The following EPHB1 variants were observed in gnomAD, a reference collection of about 807,000 sequenced individuals.
EPHB1 encodes the protein EPH receptor B1.
A neutral mutation model predicts 94.4 loss-of-function variants in EPHB1; 30 were observed. The observed-to-expected ratio is 0.32, with a 90% confidence interval of 0.24 to 0.43. The LOEUF (loss-of-function observed/expected upper bound fraction) is 0.43. Ranked by LOEUF, EPHB1 falls within the 20% of genes least tolerant of loss-of-function variation. The pLI is 1.00. For missense variants in EPHB1, 1,055 were observed against 1,308.3 expected (o/e 0.81, Z 2.99); for synonymous variants, 522 against 489.1 (o/e 1.07, Z -0.89).
intron 4 of EPHB1, among the ~76,000 whole-genome samples, chr3:135,131,906 T>G (rs1190991566): frequency 6.6e-6 from 1 of 152,196 alleles, no homozygotes; most frequent in African/African-American, 2.4e-5. Flanking sequence ...CTGGCTTCAG[T>G]TCTTACAGAG....
At chr3:134,898,598 C>G (rs2038134492) in intron 1 of EPHB1, among the ~76,000 whole-genome samples, 1 of 152,200 alleles carries the variant, frequency 6.6e-6, no homozygotes, top group Admixed American at 6.5e-5. Flanking sequence ...TCGGCACAAT[C>G]TGTAGTCTGG....
intron 3 of EPHB1, among the ~76,000 whole-genome samples, chr3:135,087,571 C>A (rs1177434328): frequency 6.6e-6 from 1 of 152,126 alleles, no homozygotes; most frequent in African/African-American, 2.4e-5. Flanking sequence ...GCATCTGTCC[C>A]TAACATCCCA....
intron 3 of EPHB1, among the ~76,000 whole-genome samples, chr3:135,032,385 CA>C (rs1280381294): frequency 6.7e-6 from 1 of 149,674 alleles, no homozygotes; most frequent in Non-Finnish European, 1.5e-5. Flanking sequence ...CATTTATTTT[CA>C]TAGCATCCTG....
intron 2 of EPHB1, among the ~76,000 whole-genome samples, chr3:134,937,713 G>C (rs920331711): frequency 6.6e-6 from 1 of 152,164 alleles, no homozygotes; most frequent in Non-Finnish European, 1.5e-5. Flanking sequence ...TCCAGGCCTG[G>C]GCTTAGCAGT....
Position 135,248,454 on chromosome 3 carries a change from G to T in EPHB1, c.2635G>T (p.Asp879Tyr), listed in dbSNP as rs182291054. The T allele has an allele frequency of 6.2e-7, 1 of 1,613,566 alleles. No homozygotes were observed. The highest frequency in any genetic ancestry group is 2.2e-5 in the East Asian group (1 of 44,850). Residue 879 changes from aspartate (D) to tyrosine (Y), a missense_variant, in exon 14 of 16, where the codon GAT becomes TAT. Physicochemically the swap from Asp to Tyr is radical, Grantham distance 160. Coordinates refer to ENST00000398015, the MANE Select transcript of EPHB1 (RefSeq NM_004441.5). ...GTTTGCGGAGATTGTCAACACCCTAGATAAGATGATCCGGAACCCGGCAAG... is the reference window on the plus strand; with the variant it reads ...GTTTGCGGAGATTGTCAACACCCTATATAAGATGATCCGGAACCCGGCAAG... ...PRFAEIVNTL[D>Y]KMIRNPASLK...
intron 3 of EPHB1, among the ~76,000 whole-genome samples, chr3:134,981,593 G>A (rs1934404314): frequency 6.6e-6 from 1 of 152,160 alleles, no homozygotes; most frequent in Non-Finnish European, 1.5e-5. Flanking sequence ...ATTGCATTGA[G>A]TACCACATGA....
At chr3:135,177,349 C>T (rs1400327840) in intron 9 of EPHB1, among the ~76,000 whole-genome samples, 1 of 152,196 alleles carries the variant, frequency 6.6e-6, no homozygotes, top group Non-Finnish European at 1.5e-5. Context: ...ATTCTGAGTG[C>T]ATCTGTTGCT....
chr3:135,158,457 CTGGGTTCCAG>C (rs1468697281), intron 6 of EPHB1, among the ~76,000 whole-genome samples: 1 of 152,214 alleles, frequency 6.6e-6, no homozygotes, highest in East Asian at 1.9e-4. Flanking sequence ...ATGGGCATGG[CTGGGTTCCAG>C]TGGAACTTTA....
At chr3:134,915,555 C>T (rs1018835853) in intron 1 of EPHB1, among the ~76,000 whole-genome samples, 5 of 152,164 alleles carry the variant, frequency 3.3e-5, no homozygotes, top group African/African-American at 1.2e-4. Context: ...AGAATGAAGC[C>T]ACGGACCCTT....
At chr3:135,189,055 T>C (rs979738048) in intron 10 of EPHB1, among the ~76,000 whole-genome samples, 9 of 152,024 alleles carry the variant, frequency 5.9e-5, no homozygotes, top group Non-Finnish European at 1.0e-4. Flanking sequence ...GTATGATGAG[T>C]TTTTAGACTT....
intron 3 of EPHB1, among the ~76,000 whole-genome samples, chr3:134,990,939 AT>A (rs1934774577): frequency 6.6e-6 from 1 of 152,020 alleles, no homozygotes; most frequent in Admixed American, 6.6e-5. Flanking sequence ...GAGCTTTTGT[AT>A]TATTGAATTC....
chr3:135,046,838 A>T (rs1246487024), intron 3 of EPHB1, among the ~76,000 whole-genome samples: 2 of 152,252 alleles, frequency 1.3e-5, no homozygotes, highest in Admixed American at 6.5e-5. Flanking sequence ...GATAACACAC[A>T]TAAAATGCTT....
chr3:135,187,774 G>T (rs1018664696), intron 10 of EPHB1, among the ~76,000 whole-genome samples: 5 of 152,114 alleles, frequency 3.3e-5, no homozygotes, highest in African/African-American at 9.7e-5. Context: ...CTGGCAAAAA[G>T]CTCTGATGTG....
intron 12 of EPHB1, among the ~76,000 whole-genome samples, chr3:135,221,025 C>T (rs1426825546): frequency 2.0e-5 from 3 of 152,152 alleles, no homozygotes; most frequent in Non-Finnish European, 4.4e-5. Context: ...GAATTTGGCC[C>T]GTTCCAGGGA....
intron 1 of EPHB1, among the ~76,000 whole-genome samples, chr3:134,920,777 T>C (rs2038668581): frequency 6.6e-6 from 1 of 152,178 alleles, no homozygotes; most frequent in African/African-American, 2.4e-5. Flanking sequence ...ACCTGCCTCT[T>C]CTTCCTCACA....
intron 12 of EPHB1, among the ~76,000 whole-genome samples, chr3:135,237,499 C>T (rs763077035): frequency 9.9e-5 from 15 of 152,204 alleles, no homozygotes; most frequent in Non-Finnish European, 1.9e-4. Context: ...GCCTCTTCCT[C>T]TTCTTCTCTT....
At chr3:135,215,438 C>T (rs890568122) in intron 12 of EPHB1, among the ~76,000 whole-genome samples, 1 of 152,208 alleles carries the variant, frequency 6.6e-6, no homozygotes, top group African/African-American at 2.4e-5. Flanking sequence ...GCTGGGATTA[C>T]AGGCATGAGC....
At position 135,085,627 on chromosome 3, in the gene EPHB1, T is replaced by A. The variant is rs532175311; in HGVS notation, c.806-20821T>A. On this transcript the variant is annotated intron_variant, in intron 3 of 15. Transcript: ENST00000398015. Reference sequence around the variant, plus strand: ...GCATCACAAATGTTTGATGCGGGTGTCTCTTCTTGTCCTGAGGACCCGGGC... The same window carrying A: ...GCATCACAAATGTTTGATGCGGGTGACTCTTCTTGTCCTGAGGACCCGGGC... Among the ~76,000 whole-genome samples, 5 of 152,298 alleles carry A rather than the reference T, an allele frequency of 3.3e-5. No individual in the cohort carries two copies. In the East Asian group the frequency reaches 9.7e-4, roughly 29 times the overall value.
chr3:135,110,394 CG>C (rs1463182300), intron 4 of EPHB1, among the ~76,000 whole-genome samples: 2 of 152,184 alleles, frequency 1.3e-5, no homozygotes, highest in Non-Finnish European at 2.9e-5. Flanking sequence ...GCCAGTCTTT[CG>C]GGGTTTCCCT....
Sources: gnomAD v4.1 joint callset for allele counts (sites outside exome capture counted in the v4.1 genomes callset) on GRCh38, gnomAD v4.1.1 for gene constraint, MANE v1.5 for transcripts, NCBI Gene and HGNC (gene_info 2026-07-23, HGNC 2026-07-21) for gene names.